PRSS38: variants seen among roughly 807,000 people sequenced by gnomAD.
The protein encoded by PRSS38 is serine protease 38.
In PRSS38, 22 loss-of-function variants were observed where a neutral mutation model predicts 26.8. That is an observed-to-expected ratio of 0.82 (90% CI 0.59 to 1.17). The LOEUF (loss-of-function observed/expected upper bound fraction) is 1.17, where lower values mean the gene tolerates loss of function less well. Ranked by LOEUF, PRSS38 falls within the 50% of genes most tolerant of loss-of-function variation. PRSS38 has a pLI of 0.00. For synonymous variants in PRSS38, 175 were observed against 172.1 expected, an observed-to-expected ratio of 1.02 and a Z score of -0.13; for missense variants, 427 against 422.7, an observed-to-expected ratio of 1.01 and a Z score of -0.09.
At chr1:227,839,693 C>T (rs1271747651) in intron 3 of PRSS38, among the ~76,000 whole-genome samples, 3 of 152,158 alleles carry the variant, frequency 2.0e-5, no homozygotes, top group East Asian at 3.9e-4. Context: ...TATGTCTTCT[C>T]CTGACATCCT....
At chr1:227,817,107 C>A in intron 2 of PRSS38, 102 bp from the exon 3 acceptor site, 1 of 1,254,428 alleles carries the variant, frequency 8.0e-7, no homozygotes, top group Non-Finnish European at 1.1e-6. Context: ...GCTTTTCAAT[C>A]CCACCGAGTG....
At chr1:227,820,599 GT>G (rs1664989827) in intron 3 of PRSS38, among the ~76,000 whole-genome samples, 2 of 152,050 alleles carry the variant, frequency 1.3e-5, no homozygotes, top group Admixed American at 1.3e-4. Context: ...CTTTGTCATG[GT>G]TTTATATGCT....
At chr1:227,817,575 T>C in intron 3 of PRSS38, 95 bp downstream of exon 3, 1 of 1,293,948 alleles carries the variant, frequency 7.7e-7, no homozygotes. Context: ...GTCCAGGTGT[T>C]TGGGGACTGG....
At chr1:227,845,372 C>G in intron 3 of PRSS38, 98 bp from the exon 4 acceptor site, 1 of 811,992 alleles carries the variant, frequency 1.2e-6, no homozygotes, top group Non-Finnish European at 2.0e-6. Flanking sequence ...TGGGGCTCCT[C>G]TCCATGGGCT....
At position 227,815,838 on chromosome 1, in the gene PRSS38, AG is replaced by A. The variant is rs776308075; in HGVS notation, c.125del (p.Gly42GlufsTer4). On this transcript the variant is annotated frameshift_variant, in exon 1 of 5. Transcript: ENST00000366757. LOFTEE classifies it high-confidence loss of function. Reference sequence around the variant, plus strand: ...TTGGTCCACAGACAGCCAGAGAACCAGGGAATCTCCCTAACTGGCAGCGTGG... The same window carrying A: ...TTGGTCCACAGACAGCCAGAGAACCAGGAATCTCCCTAACTGGCAGCGTGG... 3.7e-6 allele frequency: 6 copies of A among 1,611,120 alleles called. No individual in the cohort carries two copies. Among genetic ancestry groups the A allele is most frequent in the Non-Finnish European group, 5.1e-6 (6 of 1,178,154 alleles).
At chr1:227,821,098 A>C (rs1664997458) in intron 3 of PRSS38, among the ~76,000 whole-genome samples, 1 of 152,298 alleles carries the variant, frequency 6.6e-6, no homozygotes, top group South Asian at 2.1e-4. Context: ...AAAAAGTGGA[A>C]TTAAAAACCA....
exon 5 of PRSS38, chr1:227,846,318 C>A: frequency 1.5e-6 from 2 of 1,375,038 alleles, no homozygotes; most frequent in Non-Finnish European, 2.0e-6. Context: ...CAGACAAGGG[C>A]CACCTATCCC....
intron 3 of PRSS38, among the ~76,000 whole-genome samples, chr1:227,843,895 C>T (rs1665375754): frequency 6.6e-6 from 1 of 151,794 alleles, no homozygotes; most frequent in Non-Finnish European, 1.5e-5. Flanking sequence ...TGGTGCGCAC[C>T]TGTAATCCCA....
chr1:227,836,857 CT>C (rs1255573268), intron 3 of PRSS38, among the ~76,000 whole-genome samples: 6 of 152,022 alleles, frequency 3.9e-5, no homozygotes, highest in Admixed American at 1.3e-4. Flanking sequence ...TTAACATATT[CT>C]TTTTTCATTT....
At chr1:227,822,366 C>T (rs1242768894) in intron 3 of PRSS38, among the ~76,000 whole-genome samples, 2 of 151,746 alleles carry the variant, frequency 1.3e-5, no homozygotes, top group Non-Finnish European at 2.9e-5. Context: ...CTTAAGTGGG[C>T]CATAGTTTTT....
chr1:227,845,709 C>A, intron 4 of PRSS38, 97 bp downstream of exon 4: 1 of 1,423,866 alleles, frequency 7.0e-7, no homozygotes. Flanking sequence ...CTAGCAGGAG[C>A]CCTGCAGCCA....
intron 3 of PRSS38, among the ~76,000 whole-genome samples, chr1:227,822,201 A>G (rs866055549): frequency 6.6e-5 from 10 of 152,032 alleles, no homozygotes; most frequent in African/African-American, 2.2e-4. Context: ...ATTTCTGTTT[A>G]CTAATAGTAT....
At chr1:227,836,924 C>G (rs149201602) in intron 3 of PRSS38, among the ~76,000 whole-genome samples, 2 of 152,086 alleles carry the variant, frequency 1.3e-5, no homozygotes, top group African/African-American at 4.8e-5. Context: ...AAAGCAAATT[C>G]CAGATACTAT....
At chr1:227,829,212 A>G (rs553075180) in intron 3 of PRSS38, among the ~76,000 whole-genome samples, 63 of 152,208 alleles carry the variant, frequency 4.1e-4, no homozygotes, top group Non-Finnish European at 8.1e-4. Context: ...AGCTGCTTCC[A>G]ATTGGCCATT....
In PRSS38 at chr1:227,817,498, G is replaced by C. The variant is rs751758325; in HGVS notation, c.583+18G>C. 1 of 1,609,798 alleles carries C rather than the reference G, an allele frequency of 6.2e-7. No homozygotes were observed. On this transcript the variant is annotated intron_variant, in intron 3 of 4. Transcript: ENST00000366757. ...AAAACAAGGTAGGAATACAGTGCAG[G>C]GCTTTGTGGGCAGGATGAAGGCTTC...
intron 3 of PRSS38, among the ~76,000 whole-genome samples, chr1:227,835,053 A>G (rs1665219601): frequency 6.6e-6 from 1 of 152,222 alleles, no homozygotes; most frequent in Admixed American, 6.5e-5. Flanking sequence ...CAAAGATAAC[A>G]TGTAAATGGT....
chr1:227,840,077 T>C (rs1665296381), intron 3 of PRSS38, among the ~76,000 whole-genome samples: 2 of 152,204 alleles, frequency 1.3e-5, no homozygotes, highest in African/African-American at 4.8e-5. Context: ...ATCCACTCCA[T>C]TGCTTGGTTC....
intron 3 of PRSS38, among the ~76,000 whole-genome samples, chr1:227,829,365 A>G (rs1454692406): frequency 6.6e-6 from 1 of 151,884 alleles, no homozygotes; most frequent in African/African-American, 2.4e-5. Context: ...TGTGGTTTTG[A>G]ATTTCTCTGA....
chr1:227,816,277 G>C lies in PRSS38; in HGVS notation c.311+25G>C. ...GGTAAGCGGGCGCCGGCCTGGGATG[G>C]TGTGGGTAGCTGGGCCTGCACGGAG... On this transcript the variant is annotated intron_variant, in intron 2 of 4. Transcript: ENST00000366757. This position sits in a 1 kb window ranked among gnomAD's most constrained non-coding sequence, Gnocchi z 5.1. The C allele has an allele frequency of 6.2e-7, 1 of 1,600,470 alleles. No individual in the cohort carries two copies. The highest frequency in any genetic ancestry group is 8.5e-7 in the Non-Finnish European group (1 of 1,170,256).
Sources: gnomAD v4.1 joint callset for allele counts (sites outside exome capture counted in the v4.1 genomes callset) on GRCh38, gnomAD v4.1.1 for gene constraint, Gnocchi (gnomAD v3.1) non-coding constraint, MANE v1.5 for transcripts, NCBI Gene and HGNC (gene_info 2026-07-23, HGNC 2026-07-21) for gene names.